Variants in OR12D2 observed in about 807,000 individuals in gnomAD.
The protein encoded by OR12D2 is olfactory receptor family 12 subfamily D member 2.
For synonymous variants in OR12D2, 146 were observed against 142.3 expected, an observed-to-expected ratio of 1.03 and a Z score of -0.19; for missense variants, 345 against 371.6, an observed-to-expected ratio of 0.93 and a Z score of 0.59.
Position 29,397,090 on chromosome 6 carries a change from A to G in OR12D2, c.391A>G (p.Thr131Ala), listed in dbSNP as rs1467296163. 5.6e-6 allele frequency: 9 copies of G among 1,612,990 alleles called. No individual in the cohort carries two copies. The Admixed American group carries it at 6.7e-5, about 12-fold the overall frequency. ...SVAICKPLRY[T>A]VIMNPQLCTQ... ...GGCTATCTGCAAGCCACTTCGCTAC[A>G]CTGTCATCATGAACCCTCAGCTCTG... Residue 131 changes from threonine (T) to alanine (A), a missense_variant, in exon 2 of 2, where the codon ACT becomes GCT. Thr to Ala is a moderately conservative substitution (Grantham distance 58). Transcript: ENST00000642051.
In OR12D2 at chr6:29,396,792, C is replaced by A; in HGVS notation, c.93C>A (p.Thr31=). 6.2e-7 allele frequency: 1 copy of A among 1,612,924 alleles called. No homozygotes were observed. Among genetic ancestry groups the A allele is most frequent in the Non-Finnish European group, 8.5e-7 (1 of 1,179,914 alleles). The change falls in exon 2 of 2, where the codon ACC becomes ACA. Residue 31 remains threonine (T), a synonymous_variant. Coordinates refer to ENST00000642051, the MANE Select transcript of OR12D2 (RefSeq NM_013936.4). ...LQPFLFVVFL[T]IYFISVTGNG... Reference sequence around the variant, plus strand: ...CTTTTCTCTTCGTGGTTTTCCTCACCATCTACTTCATCAGTGTGACTGGGA... The same window carrying A: ...CTTTTCTCTTCGTGGTTTTCCTCACAATCTACTTCATCAGTGTGACTGGGA...
chr6:29,396,640 C>A (rs1399343119), intron 1 of OR12D2, 58 bp from the exon 2 acceptor site: 2 of 1,393,004 alleles, frequency 1.4e-6, no homozygotes, highest in African/African-American at 1.4e-5. Flanking sequence ...AAATTCTGAG[C>A]CGGAAGGATT....
chr6:29,396,540 A>G, intron 1 of OR12D2, 158 bp from the exon 2 acceptor site: 1 of 664,702 alleles, frequency 1.5e-6, no homozygotes, highest in Non-Finnish European at 2.7e-6. Context: ...TTAATATTGA[A>G]GAGACCAACA....
rs140378013 is a variant in OR12D2 at position 29,397,145 on chromosome 6, T to C, written c.446T>C (p.Ile149Thr). The C allele has an allele frequency of 2.0e-5, 32 of 1,613,120 alleles. 2 individuals carry two copies. Among genetic ancestry groups the C allele is most frequent in the Middle Eastern group, 3.3e-4 (2 of 6,060 alleles). ...CTQMAITIWV[I>T]GFFHALLHSV... ...CAGATGGCCATCACAATCTGGGTCATTGGTTTTTTCCATGCCCTGCTGCAC... is the reference window on the plus strand; with the variant it reads ...CAGATGGCCATCACAATCTGGGTCACTGGTTTTTTCCATGCCCTGCTGCAC... The change falls in exon 2 of 2, where the codon ATT (isoleucine) becomes ACT (threonine). Residue 149 changes from isoleucine to threonine, a missense_variant. By Grantham distance (89) the Ile-to-Thr change is moderately conservative (BLOSUM62 -1). Transcript: ENST00000642051.
Position 29,397,855 on chromosome 6 carries a change from A to C in OR12D2, c.*232A>C, listed in dbSNP as rs889674992. The stretch of plus-strand genomic sequence containing the variant: ...AACCCTAATGCTGAAAATTTTTTGG[A>C]ATATCAGTTGATGTAATTGACTTAT... On this transcript the variant is annotated 3_prime_UTR_variant, in exon 2 of 2. Coordinates refer to ENST00000642051, the MANE Select transcript of OR12D2 (RefSeq NM_013936.4). 1.9e-6 allele frequency: 1 copy of C among 513,532 alleles called. No individual in the cohort carries two copies. 31.8% of individuals were successfully genotyped at this position (513,532 alleles called of 1,614,324 possible).
At chr6:29,396,438 C>CA (rs1780522424) in intron 1 of OR12D2, 11 of 465,030 alleles carry the variant, frequency 2.4e-5, no homozygotes, top group South Asian at 8.2e-5. Flanking sequence ...AAGTTAGCAA[C>CA]ATGTTCTAAA....
At position 29,398,001 on chromosome 6, in the gene OR12D2, C is replaced by T. The variant is rs1780662461; in HGVS notation, c.*378C>T. On this transcript the variant is annotated 3_prime_UTR_variant, in exon 2 of 2. Coordinates refer to ENST00000642051, the MANE Select transcript of OR12D2 (RefSeq NM_013936.4). ...TCTGTGAGATCCTTTTAGTTTAACACATTTTAGTCTGATCAATAAAATTAT... is the reference window on the plus strand; with the variant it reads ...TCTGTGAGATCCTTTTAGTTTAACATATTTTAGTCTGATCAATAAAATTAT... 2 of 186,100 alleles carry T rather than the reference C, an allele frequency of 1.1e-5. No homozygotes were observed. The highest frequency in any genetic ancestry group is 1.1e-5 in the Non-Finnish European group (1 of 90,904). 11.5% of individuals were successfully genotyped at this position (186,100 alleles called of 1,614,324 possible).
chr6:29,396,296 G>A (rs1459781191), intron 1 of OR12D2, among the ~76,000 whole-genome samples: 2 of 152,004 alleles, frequency 1.3e-5, no homozygotes, highest in Non-Finnish European at 2.9e-5. Context: ...AATTTCAGGA[G>A]CCATTTTCCT....
Position 29,396,762 on chromosome 6 carries a change from G to A in OR12D2, c.63G>A (p.Leu21=), listed in dbSNP as rs36210738. 1.7e-3 allele frequency: 2,682 copies of A among 1,612,892 alleles called. 37 individuals are homozygous for A. The African/African-American group carries it at 0.026, about 16-fold the overall frequency. Reference sequence around the variant, plus strand: ...TGGGAGTGACAGACATTCAAGAACTGCAGCCTTTTCTCTTCGTGGTTTTCC... The same window carrying A: ...TGGGAGTGACAGACATTCAAGAACTACAGCCTTTTCTCTTCGTGGTTTTCC... ...LLLGVTDIQE[L]QPFLFVVFLT... The change falls in exon 2 of 2, where the codon CTG becomes CTA. Residue 21 remains leucine (L), a synonymous_variant. Coordinates refer to ENST00000642051, the MANE Select transcript of OR12D2 (RefSeq NM_013936.4).
Position 29,397,744 on chromosome 6 carries a change from G to T in OR12D2, c.*121G>T. 1.3e-6 allele frequency: 1 copy of T among 758,912 alleles called. No homozygotes were observed. The highest frequency in any genetic ancestry group is 2.0e-6 in the Non-Finnish European group (1 of 499,880). The allele number at this position is 758,912 out of a possible 1,614,324, so 47.0% of individuals were successfully genotyped here. ...GTAAAATAGAGGCAACTGGATAAAA[G>T]AAAAAAAAGTCCAATCTAGTTGTAG... On this transcript the variant is annotated 3_prime_UTR_variant, in exon 2 of 2. Coordinates refer to ENST00000642051, the MANE Select transcript of OR12D2 (RefSeq NM_013936.4).
chr6:29,397,678 A>G lies in OR12D2; in HGVS notation c.*55A>G. On this transcript the variant is annotated 3_prime_UTR_variant, in exon 2 of 2. Transcript: ENST00000642051. ...CATAAATAACCAGCAATGAAAAAGT[A>G]GAGATGTGTAATTTTACTGCTTCTC... 1 of 1,455,862 alleles carries G rather than the reference A, an allele frequency of 6.9e-7. No individual in the cohort carries two copies. The highest frequency in any genetic ancestry group is 9.4e-7 in the Non-Finnish European group (1 of 1,069,354). 90.2% of individuals were successfully genotyped at this position (1,455,862 alleles called of 1,614,324 possible).
Position 29,396,839 on chromosome 6 carries a change from T to C in OR12D2, c.140T>C (p.Val47Ala), listed in dbSNP as rs1427092254. 9 of 1,612,846 alleles carry C rather than the reference T, an allele frequency of 5.6e-6. No homozygotes were observed. In the Admixed American group the frequency reaches 1.2e-4, roughly 21 times the overall value. Reference sequence around the variant, plus strand: ...GGGAATGGAGCCGTTCTGATGATTGTCATCTCCGATCCTAGACTCCATTCC... The same window carrying C: ...GGGAATGGAGCCGTTCTGATGATTGCCATCTCCGATCCTAGACTCCATTCC... ...VTGNGAVLMI[V>A]ISDPRLHSLM... Residue 47 changes from valine (V) to alanine (A), a missense_variant, in exon 2 of 2, where the codon GTC becomes GCC. Val to Ala is a moderately conservative substitution (Grantham distance 64). Transcript: ENST00000642051.
In OR12D2 at chr6:29,396,874, T is replaced by C. The variant is rs759083711; in HGVS notation, c.175T>C (p.Phe59Leu). 1.9e-6 allele frequency: 3 copies of C among 1,612,944 alleles called. No homozygotes were observed. Among genetic ancestry groups the C allele is most frequent in the Non-Finnish European group, 2.5e-6 (3 of 1,179,952 alleles). ...TCCTAGACTCCATTCCCTTATGTAT[T>C]TCTTCCTGGGAAACCTGTCCTACCT... ...SDPRLHSLMY[F>L]FLGNLSYLDI... The change falls in exon 2 of 2, where the codon TTC (phenylalanine) becomes CTC (leucine). Residue 59 changes from phenylalanine (F) to leucine (L), a missense_variant. Transcript: ENST00000642051.
Position 29,397,263 on chromosome 6 carries a change from GAA to G in OR12D2, c.565_566del (p.Asn189HisfsTer2). 6.2e-7 allele frequency: 1 copy of G among 1,613,022 alleles called. No individual in the cohort carries two copies. Among genetic ancestry groups the G allele is most frequent in the Non-Finnish European group, 8.5e-7 (1 of 1,179,998 alleles). On this transcript the variant is annotated frameshift_variant, in exon 2 of 2. Coordinates refer to ENST00000642051, the MANE Select transcript of OR12D2 (RefSeq NM_013936.4). LOFTEE classifies it low-confidence loss of function (END_TRUNC). The part of the protein sequence containing the change: ...IKPLLKLACG[N>X]TELNQWLLST... ...AGCCATTGCTAAAGCTGGCCTGTGG[GAA>G]CACTGAGCTTAATCAGTGGCTACTC...
Position 29,397,841 on chromosome 6 carries a change from T to C in OR12D2, c.*218T>C. 1.9e-6 allele frequency: 1 copy of C among 517,476 alleles called. No homozygotes were observed. Among genetic ancestry groups the C allele is most frequent in the Non-Finnish European group, 3.4e-6 (1 of 297,800 alleles). The allele number at this position is 517,476 out of a possible 1,614,324, so 32.1% of individuals were successfully genotyped here. ...GACACTAGCCATGGAACCCTAATGC[T>C]GAAAATTTTTTGGAATATCAGTTGA... On this transcript the variant is annotated 3_prime_UTR_variant, in exon 2 of 2. Coordinates refer to ENST00000642051, the MANE Select transcript of OR12D2 (RefSeq NM_013936.4).
rs1321627050 is a variant in OR12D2 at position 29,396,958 on chromosome 6, C to A, written c.259C>A (p.His87Asn). ...PKMLQNFLST[H>N]KAISFLGCIS... is the part of the protein sequence containing the mutation. ...AATGCTGCAGAACTTTCTCTCTACA[C>A]ACAAAGCAATTTCTTTCTTGGGATG... The change falls in exon 2 of 2, where the codon CAC becomes AAC. Residue 87 changes from histidine to asparagine, a missense_variant. Coordinates refer to ENST00000642051, the MANE Select transcript of OR12D2 (RefSeq NM_013936.4). 1 of 1,613,118 alleles carries A rather than the reference C, an allele frequency of 6.2e-7. No individual in the cohort carries two copies. Among genetic ancestry groups the A allele is most frequent in the Non-Finnish European group, 8.5e-7 (1 of 1,180,036 alleles).
chr6:29,397,062 T>C lies in OR12D2; in HGVS notation c.363T>C (p.Ser121=). The change falls in exon 2 of 2, where the codon TCT becomes TCC. Residue 121 remains serine, a synonymous_variant. Coordinates refer to ENST00000642051, the MANE Select transcript of OR12D2 (RefSeq NM_013936.4). ...TCGCCGTGATGGCATTTGACCTCTCTGTGGCTATCTGCAAGCCACTTCGCT... is the reference window on the plus strand; with the variant it reads ...TCGCCGTGATGGCATTTGACCTCTCCGTGGCTATCTGCAAGCCACTTCGCT... ...MLFAVMAFDL[S]VAICKPLRYT... The C allele has an allele frequency of 6.2e-7, 1 of 1,613,164 alleles. No individual in the cohort carries two copies. Among genetic ancestry groups the C allele is most frequent in the South Asian group, 1.1e-5 (1 of 91,082 alleles).
At position 29,395,729 on chromosome 6, in the gene OR12D2, T is replaced by C. The variant is rs1014187214; in HGVS notation, c.-89T>C. On this transcript the variant is annotated 5_prime_UTR_variant, in exon 1 of 2. Transcript: ENST00000642051. ...GAATTGTTGAGTCTATTGGAAGAGT[T>C]TTTCTTATTCAGAGATTCAGGGGTG... 3.3e-5 allele frequency: 5 copies of C among 152,134 alleles called. No homozygotes were observed. The highest frequency in any genetic ancestry group is 7.4e-5 in the Non-Finnish European group (5 of 68,000). 9.4% of individuals were successfully genotyped at this position (152,134 alleles called of 1,614,324 possible).
At chr6:29,396,070 G>A (rs907546110) in intron 1 of OR12D2, among the ~76,000 whole-genome samples, 2 of 151,862 alleles carry the variant, frequency 1.3e-5, no homozygotes, top group African/African-American at 2.4e-5. Flanking sequence ...CTATTTTAAA[G>A]AGGTTTTTAT....
Sources: gnomAD v4.1 joint callset for allele counts (sites outside exome capture counted in the v4.1 genomes callset) on GRCh38, gnomAD v4.1.1 for gene constraint, MANE v1.5 for transcripts, NCBI Gene and HGNC (gene_info 2026-07-23, HGNC 2026-07-21) for gene names.